The following PGM5 variants were observed in gnomAD, a reference collection of about 807,000 sequenced individuals.
The protein encoded by PGM5 is phosphoglucomutase-like protein 5.
PGM5 carries 23 observed loss-of-function variants against 59.2 expected under a neutral mutation model. That is an observed-to-expected ratio of 0.39 (90% CI 0.28 to 0.55). The LOEUF (loss-of-function observed/expected upper bound fraction) is 0.55, where lower values mean the gene tolerates loss of function less well. Ranked by LOEUF, PGM5 falls within the 20% of genes least tolerant of loss-of-function variation. PGM5 has a pLI of 0.66. For missense variants in PGM5, 574 were observed against 748.3 expected (o/e 0.77, Z 2.72); for synonymous variants, 214 against 286.0 (o/e 0.75, Z 2.54).
chr9:68,507,084 G>A (rs1361564389), intron 10 of PGM5, among the ~76,000 whole-genome samples: 1 of 152,110 alleles, frequency 6.6e-6, no homozygotes, highest in Non-Finnish European at 1.5e-5. Flanking sequence ...ATATATGAGG[G>A]AAAACATGAG....
At chr9:68,480,486 C>T (rs1333252804) in intron 8 of PGM5, among the ~76,000 whole-genome samples, 2 of 152,126 alleles carry the variant, frequency 1.3e-5, no homozygotes, top group African/African-American at 4.8e-5. Flanking sequence ...AGGCGGATCA[C>T]CTGAGGTCAG....
At chr9:68,400,016 T>A (rs1351416919) in intron 6 of PGM5, among the ~76,000 whole-genome samples, 5 of 152,192 alleles carry the variant, frequency 3.3e-5, no homozygotes, top group Non-Finnish European at 7.3e-5. Context: ...TTGTTATTTC[T>A]TCTCCATTCC....
At chr9:68,410,268 AG>A (rs138136358) in intron 6 of PGM5, among the ~76,000 whole-genome samples, 36,504 of 152,164 alleles carry the variant, frequency 0.24, 5,358 homozygotes, top group Admixed American at 0.33. Context: ...CATAGCTCCA[AG>A]GGAAGTTGTG....
intron 6 of PGM5, among the ~76,000 whole-genome samples, chr9:68,453,041 G>A (rs1183052000): frequency 2.0e-5 from 3 of 152,182 alleles, no homozygotes; most frequent in Non-Finnish European, 4.4e-5. Flanking sequence ...ATCTTAGCCA[G>A]CATTTTCCCA....
chr9:68,476,863 A>G (rs2132087664), intron 7 of PGM5, among the ~76,000 whole-genome samples: 1 of 152,340 alleles, frequency 6.6e-6, no homozygotes, highest in East Asian at 1.9e-4. Context: ...CTTATCTCAC[A>G]GATTTAACAG....
chr9:68,379,561 G>A (rs534220490), intron 2 of PGM5, among the ~76,000 whole-genome samples: 1 of 152,194 alleles, frequency 6.6e-6, no homozygotes, highest in East Asian at 1.9e-4. Flanking sequence ...AAAGTAACCA[G>A]AAAACAATTA....
In PGM5 at chr9:68,509,536, C is replaced by T. The variant is rs116869450; in HGVS notation, c.1614+10175C>T. Among the ~76,000 whole-genome samples the T allele has an allele frequency of 3.4e-3, 521 of 152,182 alleles. 2 individuals carry two copies. The highest frequency in any genetic ancestry group is 0.01 in the Middle Eastern group (3 of 294). On this transcript the variant is annotated intron_variant, in intron 10 of 10. Coordinates refer to ENST00000396396, the MANE Select transcript of PGM5 (RefSeq NM_021965.4). Reference sequence around the variant, plus strand: ...GGGAGGCCAACAGATGATGAGATGACGGCCATTGAAGAGATAGTTTGTTAC... The same window carrying T: ...GGGAGGCCAACAGATGATGAGATGATGGCCATTGAAGAGATAGTTTGTTAC...
chr9:68,483,844 T>C (rs1824240135), intron 8 of PGM5, 21 bp from the exon 9 acceptor site: 1 of 1,611,096 alleles, frequency 6.2e-7, no homozygotes. Context: ...TAGGTTTCTG[T>C]TCCTCCTGTG....
intron 8 of PGM5, among the ~76,000 whole-genome samples, chr9:68,480,791 TC>T (rs1440878290): frequency 1.5e-4 from 23 of 151,892 alleles, no homozygotes; most frequent in African/African-American, 5.3e-4. Context: ...AAAGGAAAGA[TC>T]AGTGGGTAGG....
chr9:68,512,737 T>C (rs944976354), intron 10 of PGM5, among the ~76,000 whole-genome samples: 1 of 152,214 alleles, frequency 6.6e-6, no homozygotes, highest in Non-Finnish European at 1.5e-5. Flanking sequence ...TTCTGAGGTA[T>C]TGGCAATTAG....
At chr9:68,513,863 A>G (rs782292439) in intron 10 of PGM5, among the ~76,000 whole-genome samples, 3 of 152,186 alleles carry the variant, frequency 2.0e-5, no homozygotes, top group Non-Finnish European at 4.4e-5. Flanking sequence ...AAGTGTTTCT[A>G]TATTGTTGAA....
At chr9:68,403,882 G>A (rs112384983) in intron 6 of PGM5, among the ~76,000 whole-genome samples, 225 of 152,284 alleles carry the variant, frequency 1.5e-3, no homozygotes, top group African/African-American at 3.9e-3. Flanking sequence ...TAATTTTGAC[G>A]TTGAATATCA....
intron 6 of PGM5, among the ~76,000 whole-genome samples, chr9:68,454,536 G>A (rs1011282477): frequency 6.6e-6 from 1 of 152,186 alleles, no homozygotes; most frequent in Non-Finnish European, 1.5e-5. Context: ...TCATGAGGCC[G>A]ATCACTCTTG....
At chr9:68,524,258 A>C (rs1824938006) in intron 10 of PGM5, among the ~76,000 whole-genome samples, 1 of 152,160 alleles carries the variant, frequency 6.6e-6, no homozygotes. Flanking sequence ...CAATGTCCAA[A>C]AAATTCATGA....
intron 10 of PGM5, among the ~76,000 whole-genome samples, chr9:68,518,779 T>C (rs746089735): frequency 6.6e-6 from 1 of 152,166 alleles, no homozygotes; most frequent in Admixed American, 6.5e-5. Flanking sequence ...AAATACAGAA[T>C]AGAGGGTAAG....
At chr9:68,485,969 GA>G (rs1824288511) in intron 9 of PGM5, among the ~76,000 whole-genome samples, 1 of 152,186 alleles carries the variant, frequency 6.6e-6, no homozygotes, top group Non-Finnish European at 1.5e-5. Context: ...CTGTTGGGTA[GA>G]GGTGGAATCC....
chr9:68,528,270 G>A (rs1355680361), intron 10 of PGM5, among the ~76,000 whole-genome samples: 1 of 151,728 alleles, frequency 6.6e-6, no homozygotes, highest in Non-Finnish European at 1.5e-5. Flanking sequence ...AGACAGGCAG[G>A]GTCTCACTTT....
At chr9:68,484,541 A>AACACACACAC (rs72293391) in intron 9 of PGM5, among the ~76,000 whole-genome samples, 2,092 of 132,272 alleles carry the variant, frequency 0.016, 72 homozygotes, top group African/African-American at 0.058. Flanking sequence ...CCATGTCTCA[A>AACACACACAC]ACACACACAC....
At chr9:68,480,698 C>CAAAAA (rs559218499) in intron 8 of PGM5, among the ~76,000 whole-genome samples, 1 of 118,204 alleles carries the variant, frequency 8.5e-6, no homozygotes. Flanking sequence ...GACTCCATCT[C>CAAAAA]AAAAAAAAAA....
Sources: gnomAD v4.1 joint callset for allele counts (sites outside exome capture counted in the v4.1 genomes callset) on GRCh38, gnomAD v4.1.1 for gene constraint, MANE v1.5 for transcripts, NCBI Gene and HGNC (gene_info 2026-07-23, HGNC 2026-07-21) for gene names.